The following MAP7D1 variants were observed in gnomAD, a reference collection of about 807,000 sequenced individuals.
MAP7D1 encodes the protein MAP7 domain containing 1.
Under a neutral mutation model 97.5 loss-of-function variants are expected in MAP7D1, and 30 were observed. That is an observed-to-expected ratio of 0.31 (90% CI 0.23 to 0.42). The LOEUF (loss-of-function observed/expected upper bound fraction) is 0.42, where lower values mean the gene tolerates loss of function less well. MAP7D1 is among the 10% of genes least tolerant of loss of function. The pLI is 1.00. For synonymous variants in MAP7D1, 536 were observed against 477.1 expected, an observed-to-expected ratio of 1.12 and a Z score of -1.61; for missense variants, 1,184 against 1,179.5, an observed-to-expected ratio of 1.00 and a Z score of -0.06.
rs1011045393 is a variant in MAP7D1, at chr1:36,170,684, G to A, written c.47-287G>A. Among the ~76,000 whole-genome samples, 3 of 152,090 alleles carry A rather than the reference G, an allele frequency of 2.0e-5. 1 individual carries two copies. In the South Asian group the frequency reaches 6.2e-4, roughly 32 times the overall value. Reference sequence around the variant, plus strand: ...TTCTTCAGCAAGCCCTCCCCATATAGGTTAACTATCTCTGCTTTGCTGCCC... The same window carrying A: ...TTCTTCAGCAAGCCCTCCCCATATAAGTTAACTATCTCTGCTTTGCTGCCC... On this transcript the variant is annotated intron_variant, in intron 1 of 16. Coordinates refer to ENST00000474796, the MANE Select transcript of MAP7D1 (RefSeq NM_001388490.1).
chr1:36,175,631 C>A (rs1229852753), intron 6 of MAP7D1, among the ~76,000 whole-genome samples: 12 of 152,212 alleles, frequency 7.9e-5, no homozygotes, highest in Admixed American at 7.8e-4. Context: ...TGTTGCCTAG[C>A]AACCAAATCA....
At chr1:36,169,527 G>T (rs1644514637) in intron 1 of MAP7D1, among the ~76,000 whole-genome samples, 1 of 151,784 alleles carries the variant, frequency 6.6e-6, no homozygotes, top group African/African-American at 2.4e-5. Flanking sequence ...CTGCACTCCA[G>T]CCGGGGTGAC....
rs750531913 is a variant in MAP7D1 at position 36,172,574 on chromosome 1, C to A, written c.571C>A (p.Gln191Lys). 3 of 1,592,126 alleles carry A rather than the reference C, an allele frequency of 1.9e-6. 1 individual carries two copies. In the South Asian group the frequency reaches 3.3e-5, roughly 18 times the overall value. The change falls in exon 4 of 17, where the codon CAA becomes AAA. Residue 191 changes from glutamine (Q) to lysine (K), a missense_variant. Transcript: ENST00000474796. ...RLEEQRLKAE[Q>K]RRAALEERQR... is the part of the protein sequence containing the mutation. Reference sequence around the variant, plus strand: ...GGAGGAGCAACGTCTTAAAGCCGAGCAACGCCGTGCAGCCCTGGAGGAACG... The same window carrying A: ...GGAGGAGCAACGTCTTAAAGCCGAGAAACGCCGTGCAGCCCTGGAGGAACG...
chr1:36,171,598 C>A lies in MAP7D1; in HGVS notation c.460+17C>A. 6.2e-7 allele frequency: 1 copy of A among 1,613,582 alleles called. No homozygotes were observed. ...AGTACCTGGGTGAGTGAGCAGGAAG[C>A]CTCATCATCTTCTTCATCGTCATCA... On this transcript the variant is annotated intron_variant, in intron 3 of 16. Coordinates refer to ENST00000474796, the MANE Select transcript of MAP7D1 (RefSeq NM_001388490.1).
chr1:36,171,283 T>C lies in MAP7D1; in HGVS notation c.359T>C (p.Val120Ala). 2 of 1,579,248 alleles carry C rather than the reference T, an allele frequency of 1.3e-6. No individual in the cohort carries two copies. The highest frequency in any genetic ancestry group is 1.7e-6 in the Non-Finnish European group (2 of 1,162,304). ...AGCAGCCAGCCATCTCCAACAGCAG[T>C]GCCAGCCTCCGACAGCCCTCCCACC... The part of the protein sequence containing the change: ...RRSSQPSPTA[V>A]PASDSPPTKQ... The change falls in exon 2 of 17, where the codon GTG (valine) becomes GCG (alanine). Residue 120 changes from valine (V) to alanine (A), a missense_variant. Physicochemically the swap from Val to Ala is moderately conservative, Grantham distance 64 (BLOSUM62 0). Coordinates refer to ENST00000474796, the MANE Select transcript of MAP7D1 (RefSeq NM_001388490.1).
intron 5 of MAP7D1, among the ~76,000 whole-genome samples, chr1:36,174,607 C>T (rs1431305432): frequency 1.3e-5 from 2 of 152,152 alleles, no homozygotes; most frequent in Non-Finnish European, 2.9e-5. Flanking sequence ...CAGTACTCAG[C>T]CGTAAGGAAT....
rs1427656654 is a variant in MAP7D1, at chr1:36,176,952, TTC to T, written c.1379+116_1379+117del. The stretch of plus-strand genomic sequence containing the variant: ...AGAATGCAACTTCCCTGAGGGCAGA[TTC>T]TCTCTGTTTTGTTTGAGACAGGATC... On this transcript the variant is annotated intron_variant, in intron 8 of 16. Transcript: ENST00000474796. The surrounding 1 kb of genome is among the most constrained non-coding windows in gnomAD (Gnocchi z 6.1). 8 of 940,248 alleles carry T rather than the reference TTC, an allele frequency of 8.5e-6. No homozygotes were observed. The highest frequency in any genetic ancestry group is 3.2e-5 in the South Asian group (2 of 62,610). 58.2% of individuals were successfully genotyped at this position (940,248 alleles called of 1,614,324 possible). A position where few individuals can be genotyped will look rare whatever the true frequency, so the allele number is the denominator to read the frequency against.
rs889540894 is a variant in MAP7D1, at chr1:36,177,794, A to G, written c.1380-79A>G. On this transcript the variant is annotated intron_variant, in intron 8 of 16. Transcript: ENST00000474796. The stretch of plus-strand genomic sequence containing the variant: ...GCTGATGTAGCCTGGGGGAGGGGGC[A>G]CCTCCCAGAGGAAGGAACAAGTTCT... 2.6e-5 allele frequency: 39 copies of G among 1,508,348 alleles called. No individual in the cohort carries two copies. The African/African-American group carries it at 3.4e-4, about 13-fold the overall frequency. The allele number at this position is 1,508,348 out of a possible 1,614,324, so 93.4% of individuals were successfully genotyped here. A position where few individuals can be genotyped will look rare whatever the true frequency, so the allele number is the denominator to read the frequency against.
chr1:36,173,072 C>T (rs1644569622), intron 4 of MAP7D1, among the ~76,000 whole-genome samples: 1 of 152,198 alleles, frequency 6.6e-6, no homozygotes, highest in African/African-American at 2.4e-5. Flanking sequence ...GAGATGTGGC[C>T]TTGCCTGGGA....
At chr1:36,156,614 G>A in intron 1 of MAP7D1, 151 bp downstream of exon 1, 1 of 579,130 alleles carries the variant, frequency 1.7e-6, no homozygotes, top group East Asian at 3.6e-5. Context: ...CGGCGGCGGC[G>A]GCTCCAGGCT....
chr1:36,179,252 C>T lies in MAP7D1; in HGVS notation c.2131-10C>T, dbSNP rs1279342225. ...GGCTCGAGCCTAACTGATCTGCGGC[C>T]TCCAAACAGCGTCTGGAGGAGATCA... is the stretch of plus-strand genomic sequence containing the variant. On this transcript the variant is annotated splice_polypyrimidine_tract_variant and intron_variant, in intron 12 of 16. Coordinates refer to ENST00000474796, the MANE Select transcript of MAP7D1 (RefSeq NM_001388490.1). 2.2e-5 allele frequency: 35 copies of T among 1,613,872 alleles called. No homozygotes were observed. Among genetic ancestry groups the T allele is most frequent in the Non-Finnish European group, 2.7e-5 (32 of 1,179,854 alleles).
intron 10 of MAP7D1, 27 bp downstream of exon 10, chr1:36,178,623 G>T: frequency 6.5e-7 from 1 of 1,549,568 alleles, no homozygotes. Context: ...GACTGAGGGG[G>T]CCCTCGTGGG....
Position 36,159,035 on chromosome 1 carries a change from GTTAT to G in MAP7D1, c.46+2607_46+2610del, listed in dbSNP as rs34482844. On this transcript the variant is annotated intron_variant, in intron 1 of 16. Transcript: ENST00000474796. The surrounding 1 kb of genome is among the most constrained non-coding windows in gnomAD (Gnocchi z 5.4). ...AGTGCCCAATAAGTGCTAGCCATTT[GTTAT>G]TTATTTATTTATTTATTTATTTATT... Among the ~76,000 whole-genome samples, 1,793 of 145,986 alleles carry G rather than the reference GTTAT, an allele frequency of 0.012. 27 individuals are homozygous for G. The highest frequency in any genetic ancestry group is 0.037 in the African/African-American group (1,479 of 39,792).
chr1:36,173,429 C>T lies in MAP7D1; in HGVS notation c.690C>T (p.Arg230=). 6.2e-7 allele frequency: 1 copy of T among 1,613,394 alleles called. No individual in the cohort carries two copies. The highest frequency in any genetic ancestry group is 8.5e-7 in the Non-Finnish European group (1 of 1,179,644). ...KKTWAEIRQQ[R]WSWAGALHHS... is the part of the protein sequence containing the mutation. Reference sequence around the variant, plus strand: ...CGTGGGCCGAAATCCGGCAGCAGCGCTGGTCCTGGGCAGGGGCCCTGCACC... The same window carrying T: ...CGTGGGCCGAAATCCGGCAGCAGCGTTGGTCCTGGGCAGGGGCCCTGCACC... The change falls in exon 5 of 17, where the codon CGC becomes CGT. Residue 230 remains arginine (R), a synonymous_variant. Coordinates refer to ENST00000474796, the MANE Select transcript of MAP7D1 (RefSeq NM_001388490.1).
chr1:36,178,496 C>A lies in MAP7D1; in HGVS notation c.1786C>A (p.Arg596=), dbSNP rs1644663806. The A allele has an allele frequency of 6.2e-7, 1 of 1,610,366 alleles. No homozygotes were observed. Among genetic ancestry groups the A allele is most frequent in the African/African-American group, 1.3e-5 (1 of 74,992 alleles). Residue 596 remains arginine (R), a synonymous_variant, in exon 10 of 17, where the codon CGA becomes AGA. Transcript: ENST00000474796. ...CAAACCAATGGCCGGCACCACAGAC[C>A]GAGAAGAAGCCACTCGGCTCTTGGC... ...PSKPMAGTTD[R]EEATRLLAEK...
At position 36,169,666 on chromosome 1, in the gene MAP7D1, G is replaced by A. The variant is rs147095325; in HGVS notation, c.47-1305G>A. ...TTCCCATTGATCTCCTCAGTGCCTGGATGGTAGCAGCAGATGGCACCAGGG... is the reference window on the plus strand; with the variant it reads ...TTCCCATTGATCTCCTCAGTGCCTGAATGGTAGCAGCAGATGGCACCAGGG... On this transcript the variant is annotated intron_variant, in intron 1 of 16. Coordinates refer to ENST00000474796, the MANE Select transcript of MAP7D1 (RefSeq NM_001388490.1). 1.5e-3 allele frequency among the ~76,000 whole-genome samples: 231 copies of A among 152,352 alleles called. 3 individuals carry two copies. The East Asian group carries it at 0.034, about 22-fold the overall frequency.
At position 36,176,935 on chromosome 1, in the gene MAP7D1, A is replaced by G. The variant is rs474572; in HGVS notation, c.1379+93A>G. ...GTTGGGCAACCACCTCTAGAATGCA[A>G]CTTCCCTGAGGGCAGATTCTCTCTG... On this transcript the variant is annotated intron_variant, in intron 8 of 16. Transcript: ENST00000474796. This position sits in a 1 kb window ranked among gnomAD's most constrained non-coding sequence, Gnocchi z 6.1. The G allele has an allele frequency of 7.7e-3, 8,482 of 1,105,574 alleles. 426 individuals carry two copies. In the African/African-American group the frequency reaches 0.11, roughly 15 times the overall value. 68.5% of individuals were successfully genotyped at this position (1,105,574 alleles called of 1,614,324 possible). A position where few individuals can be genotyped will look rare whatever the true frequency, so the allele number is the denominator to read the frequency against.
At chr1:36,160,910 G>C (rs538642126) in intron 1 of MAP7D1, among the ~76,000 whole-genome samples, 5 of 152,356 alleles carry the variant, frequency 3.3e-5, no homozygotes, top group East Asian at 1.9e-4. Flanking sequence ...AGTCCAGCTG[G>C]GGGGGCATCT....
intron 1 of MAP7D1, among the ~76,000 whole-genome samples, chr1:36,168,089 G>A (rs1644494823): frequency 6.6e-6 from 1 of 152,148 alleles, no homozygotes; most frequent in African/African-American, 2.4e-5. Context: ...GAGGTCAAGA[G>A]ATGGAGACCA....
Sources: gnomAD v4.1 joint callset for allele counts (sites outside exome capture counted in the v4.1 genomes callset) on GRCh38, gnomAD v4.1.1 for gene constraint, Gnocchi (gnomAD v3.1) non-coding constraint, MANE v1.5 for transcripts, NCBI Gene and HGNC (gene_info 2026-07-23, HGNC 2026-07-21) for gene names.